The following XKR6 variants were observed in gnomAD, a reference collection of about 807,000 sequenced individuals.
The protein encoded by XKR6 is XK related 6.
In XKR6, 22 loss-of-function variants were observed where a neutral mutation model predicts 56.7. The observed-to-expected ratio is 0.39, with a 90% CI of 0.28 to 0.55. XKR6 has a LOEUF of 0.55. Ranked by LOEUF, XKR6 falls within the 20% of genes least tolerant of loss-of-function variation. The probability of loss-of-function intolerance (pLI) is 0.66; values close to 1 mark genes in which losing one functional copy is unlikely to be tolerated. For missense variants in XKR6, 852 were observed against 889.0 expected, an observed-to-expected ratio of 0.96 and a Z score of 0.53; for synonymous variants, 524 against 387.8, an observed-to-expected ratio of 1.35 and a Z score of -4.13.
chr8:10,931,365 C>T (rs11783247), intron 1 of XKR6, among the ~76,000 whole-genome samples: 81,089 of 151,914 alleles, frequency 0.53, 23,433 homozygotes, highest in African/African-American at 0.7. Flanking sequence ...AATTAATCTA[C>T]AGATGTAACA....
chr8:11,133,874 C>A (rs1044521001), intron 1 of XKR6, among the ~76,000 whole-genome samples: 1 of 152,102 alleles, frequency 6.6e-6, no homozygotes, highest in Non-Finnish European at 1.5e-5. Flanking sequence ...TACTAAAACC[C>A]AGCAAGACTT....
intron 2 of XKR6, among the ~76,000 whole-genome samples, chr8:10,919,012 G>A (rs970434146): frequency 6.6e-6 from 1 of 152,158 alleles, no homozygotes; most frequent in Admixed American, 6.5e-5. Flanking sequence ...AAGCAAGCCT[G>A]GCGGTGTGCT....
intron 1 of XKR6, among the ~76,000 whole-genome samples, chr8:11,186,994 T>C (rs963869746): frequency 2.6e-5 from 4 of 152,142 alleles, no homozygotes; most frequent in African/African-American, 7.2e-5. Context: ...TGAAAACAGA[T>C]TGTTTAGACT....
At chr8:11,172,959 C>T (rs986051503) in intron 1 of XKR6, among the ~76,000 whole-genome samples, 1 of 152,174 alleles carries the variant, frequency 6.6e-6, no homozygotes, top group Admixed American at 6.5e-5. Flanking sequence ...TGTATAAAAT[C>T]TATTATCCGG....
chr8:10,902,752 C>G (rs1038923915), intron 2 of XKR6, among the ~76,000 whole-genome samples: 30 of 152,236 alleles, frequency 2.0e-4, no homozygotes, highest in African/African-American at 6.8e-4. Context: ...TCTGACCACA[C>G]AGAGCAATGG....
At chr8:10,976,071 G>A (rs4078190) in intron 1 of XKR6, among the ~76,000 whole-genome samples, 48,445 of 151,752 alleles carry the variant, frequency 0.32, 8,449 homozygotes, top group African/African-American at 0.46. Flanking sequence ...AGCTACTTGG[G>A]AGGCTGAGGC....
intron 1 of XKR6, chr8:11,109,837 C>T (rs889910980): frequency 1.3e-5 from 2 of 152,124 alleles, no homozygotes; most frequent in Non-Finnish European, 2.9e-5. Context: ...AGAGGAAACA[C>T]CTCTACTGAC....
At chr8:11,185,239 C>G (rs1402141408) in intron 1 of XKR6, among the ~76,000 whole-genome samples, 3 of 152,314 alleles carry the variant, frequency 2.0e-5, no homozygotes, top group East Asian at 3.9e-4. Context: ...TAAGAATTAT[C>G]TCACGTTGCA....
chr8:11,025,136 A>G (rs1798832139), intron 1 of XKR6, among the ~76,000 whole-genome samples: 1 of 152,124 alleles, frequency 6.6e-6, no homozygotes, highest in African/African-American at 2.4e-5. Context: ...TTATTTCATC[A>G]TATGTTCAAA....
chr8:11,027,940 C>T (rs1037018666), intron 1 of XKR6, among the ~76,000 whole-genome samples: 3 of 152,068 alleles, frequency 2.0e-5, no homozygotes, highest in African/African-American at 4.8e-5. Flanking sequence ...TTGTTGCAAT[C>T]GATGAATCTA....
intron 1 of XKR6, among the ~76,000 whole-genome samples, chr8:10,972,350 C>T (rs1023404568): frequency 6.6e-5 from 10 of 152,160 alleles, no homozygotes; most frequent in African/African-American, 2.4e-4. Context: ...TCCTGCTGAG[C>T]TGATTCAAAA....
chr8:10,903,839 G>A (rs1800110431), intron 2 of XKR6, among the ~76,000 whole-genome samples: 1 of 152,172 alleles, frequency 6.6e-6, no homozygotes, highest in Non-Finnish European at 1.5e-5. Context: ...ACAGAACTGT[G>A]CACAGCCACC....
chr8:11,012,781 T>C (rs1798530454), intron 1 of XKR6, among the ~76,000 whole-genome samples: 1 of 152,188 alleles, frequency 6.6e-6, no homozygotes, highest in South Asian at 2.1e-4. Context: ...GCTCATTAAC[T>C]GCCACAAACT....
At chr8:11,128,439 T>A (rs369975028) in intron 1 of XKR6, among the ~76,000 whole-genome samples, 8 of 152,290 alleles carry the variant, frequency 5.3e-5, no homozygotes, top group African/African-American at 1.9e-4. Context: ...ACTGCCTATT[T>A]GATAGCCCAT....
chr8:11,190,264 G>GGAAAA (rs1374166304), intron 1 of XKR6, among the ~76,000 whole-genome samples: 3 of 150,706 alleles, frequency 2.0e-5, no homozygotes, highest in Non-Finnish European at 3.0e-5. Flanking sequence ...AGAAAGGAAA[G>GGAAAA]GAAAAGAAAA....
chr8:11,075,689 C>T (rs1028541209), intron 1 of XKR6, among the ~76,000 whole-genome samples: 2 of 152,090 alleles, frequency 1.3e-5, no homozygotes, highest in African/African-American at 4.8e-5. Flanking sequence ...TTGAGACCAG[C>T]CTGGCTAACC....
chr8:10,947,971 T>G (rs897086238), intron 1 of XKR6, among the ~76,000 whole-genome samples: 1 of 152,106 alleles, frequency 6.6e-6, no homozygotes, highest in African/African-American at 2.4e-5. Flanking sequence ...TGGGGTTGGG[T>G]AAGCAATGCC....
At chr8:11,175,670 A>AT (rs1287275281) in intron 1 of XKR6, 1 of 152,174 alleles carries the variant, frequency 6.6e-6, no homozygotes, top group Non-Finnish European at 1.5e-5. Flanking sequence ...ATCCTCAAAA[A>AT]CAATTAATTT....
intron 1 of XKR6, among the ~76,000 whole-genome samples, chr8:10,925,039 A>G (rs1251424137): frequency 6.6e-6 from 1 of 152,066 alleles, no homozygotes; most frequent in Non-Finnish European, 1.5e-5. Flanking sequence ...AGGTCAGGAA[A>G]GGATTTGACC....
Sources: allele counts gnomAD v4.1 joint callset (sites outside exome capture counted in the v4.1 genomes callset), GRCh38; gene constraint gnomAD v4.1.1; transcripts MANE v1.5; gene names NCBI Gene and HGNC (gene_info 2026-07-23, HGNC 2026-07-21).